The following CFAP54 variants were observed in gnomAD, a reference collection of about 807,000 sequenced individuals.
CFAP54 encodes cilia and flagella associated protein 54.
A neutral mutation model predicts 370.4 loss-of-function variants in CFAP54; 290 were observed. The ratio of observed to expected loss-of-function variants is 0.78; its 90% CI spans 0.71 to 0.86. The LOEUF (loss-of-function observed/expected upper bound fraction) is 0.86. Among genes scored for constraint, CFAP54 ranks in the 40% least tolerant of loss-of-function variants. CFAP54 has a pLI of 0.00. For missense variants in CFAP54, 3,399 were observed against 3,528.7 expected, an observed-to-expected ratio of 0.96 and a Z score of 0.93; for synonymous variants, 1,206 against 1,236.5, an observed-to-expected ratio of 0.98 and a Z score of 0.52.
intron 50 of CFAP54, among the ~76,000 whole-genome samples, chr12:96,730,169 T>C (rs1216820247): frequency 6.6e-6 from 1 of 152,182 alleles, no homozygotes; most frequent in African/African-American, 2.4e-5. Flanking sequence ...CCCAGGCTGA[T>C]GCCATTAGAA....
intron 15 of CFAP54, among the ~76,000 whole-genome samples, chr12:96,552,276 A>G (rs1022158128): frequency 4.6e-5 from 7 of 151,914 alleles, no homozygotes; most frequent in Non-Finnish European, 8.8e-5. Flanking sequence ...AGAATAAAAG[A>G]AAGTATCAAC....
intron 25 of CFAP54, among the ~76,000 whole-genome samples, chr12:96,597,645 C>T (rs567207860): frequency 6.6e-6 from 1 of 151,496 alleles, no homozygotes; most frequent in Non-Finnish European, 1.5e-5. Flanking sequence ...TAGAGCTATA[C>T]CTGTAGACTT....
intron 50 of CFAP54, among the ~76,000 whole-genome samples, chr12:96,732,251 G>A (rs1218474968): frequency 6.6e-6 from 1 of 152,052 alleles, no homozygotes; most frequent in Non-Finnish European, 1.5e-5. Flanking sequence ...TCAGCTTCCC[G>A]AGTAGCTGGG....
intron 34 of CFAP54, 47 bp from the exon 35 acceptor site, chr12:96,649,844 T>TATC: frequency 7.5e-7 from 1 of 1,341,112 alleles, no homozygotes; most frequent in South Asian, 1.4e-5. Flanking sequence ...TTTCTGGAAC[T>TATC]TAATTCTATG....
chr12:96,555,597 T>C (rs1321592840), intron 17 of CFAP54, among the ~76,000 whole-genome samples: 1 of 149,104 alleles, frequency 6.7e-6, no homozygotes, highest in African/African-American at 2.4e-5. Flanking sequence ...AATATGTAAT[T>C]ATATTTCTAT....
intron 17 of CFAP54, among the ~76,000 whole-genome samples, chr12:96,562,660 A>G (rs1219171310): frequency 6.6e-6 from 1 of 151,656 alleles, no homozygotes; most frequent in Non-Finnish European, 1.5e-5. Context: ...GGAACTCCTG[A>G]CCTCAAACGA....
chr12:96,503,095 T>A (rs1955049816), intron 2 of CFAP54, among the ~76,000 whole-genome samples: 1 of 124,678 alleles, frequency 8.0e-6, no homozygotes, highest in African/African-American at 2.9e-5. Flanking sequence ...TTTCTTTCTT[T>A]CTCTCTCTCT....
At chr12:96,701,154 A>G (rs1297423501) in intron 46 of CFAP54, among the ~76,000 whole-genome samples, 1 of 152,156 alleles carries the variant, frequency 6.6e-6, no homozygotes, top group Non-Finnish European at 1.5e-5. Context: ...GTATGTATAT[A>G]CATCCATATA....
At chr12:96,811,069 G>A (rs1958923996) in intron 63 of CFAP54, among the ~76,000 whole-genome samples, 1 of 152,230 alleles carries the variant, frequency 6.6e-6, no homozygotes, top group Middle Eastern at 3.4e-3. Context: ...TAATTACTCG[G>A]TTTTGATTGG....
intron 5 of CFAP54, among the ~76,000 whole-genome samples, chr12:96,514,989 G>A (rs1031196459): frequency 8.0e-5 from 12 of 150,206 alleles, no homozygotes; most frequent in African/African-American, 2.9e-4. Flanking sequence ...CCTGTAAAAT[G>A]ACACTAAAAT....
intron 8 of CFAP54, 54 bp downstream of exon 8, chr12:96,522,243 T>A: frequency 8.3e-7 from 1 of 1,207,886 alleles, no homozygotes; most frequent in Non-Finnish European, 1.2e-6. Flanking sequence ...TATATTTGTA[T>A]TATGCTCCTA....
In CFAP54 at chr12:96,601,950, A is replaced by G. The variant is rs555368660; in HGVS notation, c.3639+3183A>G. On this transcript the variant is annotated intron_variant, in intron 26 of 67. Coordinates refer to ENST00000524981, the MANE Select transcript of CFAP54 (RefSeq NM_001306084.2). ...TTTTTGAAGGCTTTTTTGTGTCTCT[A>G]TCTCCTTCAGTTCTACTCTGATCTT... 1.5e-3 allele frequency among the ~76,000 whole-genome samples: 231 copies of G among 150,514 alleles called. 1 individual carries two copies. The highest frequency in any genetic ancestry group is 5.4e-3 in the African/African-American group (223 of 40,966).
In CFAP54 at chr12:96,830,020, T is replaced by C. The variant is rs78603116; in HGVS notation, c.9171+932T>C. ...CTTATTTCACTTAGCATAATGTTTT[T>C]AAAGTTATCCGTGTTGTAACATGTC... On this transcript the variant is annotated intron_variant, in intron 66 of 67. Transcript: ENST00000524981. Among the ~76,000 whole-genome samples the C allele has an allele frequency of 9.5e-3, 1,450 of 152,312 alleles. 55 individuals are homozygous for C. The East Asian group carries it at 0.1, about 10-fold the overall frequency.
chr12:96,655,183 AT>A (rs1956907864), intron 36 of CFAP54, among the ~76,000 whole-genome samples: 1 of 151,606 alleles, frequency 6.6e-6, no homozygotes, highest in African/African-American at 2.4e-5. Flanking sequence ...ATAGACCCAT[AT>A]ATATGGTTTT....
chr12:96,814,254 G>A (rs576508928), intron 64 of CFAP54, among the ~76,000 whole-genome samples: 26 of 152,308 alleles, frequency 1.7e-4, no homozygotes, highest in Admixed American at 7.2e-4. Flanking sequence ...AAAGAATGGC[G>A]TTTTAGAATA....
chr12:96,589,615 T>C, intron 23 of CFAP54, 52 bp downstream of exon 23: 1 of 1,141,250 alleles, frequency 8.8e-7, no homozygotes, highest in Non-Finnish European at 1.2e-6. Flanking sequence ...AAAATATAGA[T>C]GCTGGATGCG....
chr12:96,565,070 C>G (rs1955853128), intron 19 of CFAP54: 2 of 174,508 alleles, frequency 1.1e-5, no homozygotes, highest in Admixed American at 1.3e-4. Flanking sequence ...TTAATGTATT[C>G]TTTACAATGG....
intron 60 of CFAP54, among the ~76,000 whole-genome samples, chr12:96,782,860 A>T (rs1294016965): frequency 6.6e-6 from 1 of 152,220 alleles, no homozygotes; most frequent in Non-Finnish European, 1.5e-5. Context: ...TTAAATATTT[A>T]TAGCAGCCTT....
intron 63 of CFAP54, among the ~76,000 whole-genome samples, chr12:96,808,577 C>T: frequency 6.6e-6 from 1 of 152,136 alleles, no homozygotes; most frequent in East Asian, 1.9e-4. Context: ...TTATAAACCA[C>T]CAAAATATGG....
Sources: allele counts gnomAD v4.1 joint callset (sites outside exome capture counted in the v4.1 genomes callset), GRCh38; gene constraint gnomAD v4.1.1; transcripts MANE v1.5; gene names NCBI Gene and HGNC (gene_info 2026-07-23, HGNC 2026-07-21).